TTLL7: variants seen among roughly 807,000 people sequenced by gnomAD.
TTLL7 encodes tubulin tyrosine ligase like 7.
In TTLL7, 53 loss-of-function variants were observed where a neutral mutation model predicts 120.2. The observed-to-expected ratio is 0.44, with a 90% CI of 0.35 to 0.55. The LOEUF (loss-of-function observed/expected upper bound fraction) is 0.55, where lower values mean the gene tolerates loss of function less well. TTLL7 is among the 20% of genes least tolerant of loss of function. The pLI, the probability that TTLL7 is intolerant of heterozygous loss-of-function variation, is 0.00. For synonymous variants in TTLL7, 353 were observed against 351.7 expected, an observed-to-expected ratio of 1.00 and a Z score of -0.04; for missense variants, 803 against 1,054.7, an observed-to-expected ratio of 0.76 and a Z score of 3.31.
chr1:83,986,629 G>A (rs773699582), intron 1 of TTLL7, among the ~76,000 whole-genome samples: 1 of 152,226 alleles, frequency 6.6e-6, no homozygotes, highest in Admixed American at 6.5e-5. Context: ...TGTATCACCT[G>A]AGGTCAGGAG....
intron 1 of TTLL7, among the ~76,000 whole-genome samples, chr1:83,989,098 G>A (rs1652747196): frequency 6.6e-6 from 1 of 152,148 alleles, no homozygotes; most frequent in African/African-American, 2.4e-5. Context: ...CACATACATA[G>A]TTTGCAGGCA....
In TTLL7 at chr1:83,947,154, A is replaced by G; in HGVS notation, c.476T>C (p.Val159Ala). Reference sequence around the variant, plus strand: ...ACCCATTGCACCATTAGCTGGTTTCACTATAAAAGTTTTCTGCTTCCGTTT... The same window carrying G: ...ACCCATTGCACCATTAGCTGGTTTCGCTATAAAAGTTTTCTGCTTCCGTTT... ...KKKRKQKTFI[V>A]KPANGAMGHG... Residue 159 changes from valine (V) to alanine (A), a missense_variant, in exon 6 of 21, where the codon GTG (valine) becomes GCG (alanine). Transcript: ENST00000260505. 6.2e-7 allele frequency: 1 copy of G among 1,612,906 alleles called. No individual in the cohort carries two copies. Among genetic ancestry groups the G allele is most frequent in the Non-Finnish European group, 8.5e-7 (1 of 1,179,612 alleles).
intron 1 of TTLL7, among the ~76,000 whole-genome samples, chr1:83,990,191 C>A (rs534877642): frequency 1.3e-4 from 15 of 112,370 alleles, no homozygotes; most frequent in African/African-American, 3.8e-4. Flanking sequence ...TTTTTTGAGA[C>A]GGAGTCTCGC....
At chr1:83,878,150 A>G (rs1176076534) in intron 20 of TTLL7, among the ~76,000 whole-genome samples, 1 of 151,378 alleles carries the variant, frequency 6.6e-6, no homozygotes, top group Admixed American at 6.6e-5. Context: ...TTGGTCAGAA[A>G]AAGTTCTCTG....
Position 83,910,225 on chromosome 1 carries a change from T to C in TTLL7, c.1786+940A>G, listed in dbSNP as rs138453060. 7.7e-3 allele frequency among the ~76,000 whole-genome samples: 1,172 copies of C among 152,264 alleles called. 12 individuals are homozygous for C. Among genetic ancestry groups the C allele is most frequent in the Middle Eastern group, 0.01 (3 of 294 alleles). ...AGTGTTTAAGGCCAGTTTTAAAATA[T>C]CCACATTATCAGGGAAGTTAACATA... is the stretch of plus-strand genomic sequence containing the variant. On this transcript the variant is annotated intron_variant, in intron 15 of 20. Coordinates refer to ENST00000260505, the MANE Select transcript of TTLL7 (RefSeq NM_024686.6).
intron 8 of TTLL7, among the ~76,000 whole-genome samples, chr1:83,937,589 TG>T (rs899724205): frequency 2.6e-5 from 4 of 152,154 alleles, no homozygotes; most frequent in African/African-American, 9.7e-5. Context: ...AGGTGTGTAG[TG>T]GGCTATTCCT....
chr1:83,973,970 C>T (rs564120638), intron 1 of TTLL7, among the ~76,000 whole-genome samples: 4 of 152,010 alleles, frequency 2.6e-5, no homozygotes, highest in Non-Finnish European at 5.9e-5. Flanking sequence ...AAGCATATGC[C>T]TAAGTAAAAA....
intron 1 of TTLL7, among the ~76,000 whole-genome samples, chr1:83,953,940 A>C (rs761332482): frequency 1.3e-5 from 2 of 152,128 alleles, no homozygotes; most frequent in Non-Finnish European, 2.9e-5. Flanking sequence ...CTCTAAACTG[A>C]TCTCAGCTCC....
chr1:83,917,207 G>T (rs1658268090), intron 14 of TTLL7, among the ~76,000 whole-genome samples: 1 of 151,938 alleles, frequency 6.6e-6, no homozygotes. Flanking sequence ...AATGTTGTTA[G>T]GTCAGCAAAA....
chr1:83,978,042 A>T (rs978591622), intron 1 of TTLL7, among the ~76,000 whole-genome samples: 2 of 152,030 alleles, frequency 1.3e-5, no homozygotes, highest in Non-Finnish European at 2.9e-5. Flanking sequence ...ATTTCTTTTA[A>T]TTTTCAATTT....
intron 1 of TTLL7, among the ~76,000 whole-genome samples, chr1:83,985,471 C>T (rs1652356914): frequency 6.6e-6 from 1 of 152,206 alleles, no homozygotes; most frequent in African/African-American, 2.4e-5. Flanking sequence ...TCTCCTCTGG[C>T]AGTACCCTCA....
chr1:83,887,512 C>A lies in TTLL7; in HGVS notation c.2369+2809G>T, dbSNP rs555587998. 1.1e-4 allele frequency among the ~76,000 whole-genome samples: 16 copies of A among 152,124 alleles called. No homozygotes were observed. The South Asian group carries it at 3.3e-3, about 32-fold the overall frequency. ...AGGAAGCCTAAAAAACTCATTAATG[C>A]AAAATAAAATCCGATATTAAACTCA... On this transcript the variant is annotated intron_variant, in intron 19 of 20. Coordinates refer to ENST00000260505, the MANE Select transcript of TTLL7 (RefSeq NM_024686.6).
intron 19 of TTLL7, among the ~76,000 whole-genome samples, chr1:83,885,577 A>G (rs1654904096): frequency 6.6e-6 from 1 of 152,010 alleles, no homozygotes; most frequent in South Asian, 2.1e-4. Flanking sequence ...TATATTTACC[A>G]CTACTAGCCA....
At chr1:83,927,431 G>A (rs1418076979) in intron 10 of TTLL7, among the ~76,000 whole-genome samples, 3 of 152,048 alleles carry the variant, frequency 2.0e-5, no homozygotes, top group Admixed American at 2.0e-4. Flanking sequence ...AATAAAAGAT[G>A]GGATTTGAGT....
intron 1 of TTLL7, among the ~76,000 whole-genome samples, chr1:83,958,134 C>T (rs1429301896): frequency 2.6e-5 from 4 of 152,056 alleles, no homozygotes; most frequent in Non-Finnish European, 4.4e-5. Context: ...ATCCTATGTG[C>T]CAGGCACTTT....
At chr1:83,985,269 G>T (rs1652337605) in intron 1 of TTLL7, among the ~76,000 whole-genome samples, 1 of 152,186 alleles carries the variant, frequency 6.6e-6, no homozygotes, top group Non-Finnish European at 1.5e-5. Flanking sequence ...AGAGTCCAAA[G>T]GCCAAAGAAC....
chr1:83,891,113 A>C (rs1025043305), intron 18 of TTLL7, among the ~76,000 whole-genome samples: 1 of 152,102 alleles, frequency 6.6e-6, no homozygotes, highest in Non-Finnish European at 1.5e-5. Flanking sequence ...ATAAAAGATT[A>C]ATAGATTTTG....
In TTLL7 at chr1:83,961,342, G is replaced by C. The variant is rs1026281507; in HGVS notation, c.-176-8955C>G. On this transcript the variant is annotated intron_variant, in intron 1 of 20. Coordinates refer to ENST00000260505, the MANE Select transcript of TTLL7 (RefSeq NM_024686.6). ...TTTAATCCCATAAAAATTAAGCCAT[G>C]GTCCAAGAATTATGCAAAGTTGGGA... Among the ~76,000 whole-genome samples the C allele has an allele frequency of 5.3e-5, 8 of 152,084 alleles. No individual in the cohort carries two copies. The East Asian group carries it at 1.4e-3, about 26-fold the overall frequency.
At chr1:83,965,525 T>C (rs1650377198) in intron 1 of TTLL7, among the ~76,000 whole-genome samples, 1 of 152,126 alleles carries the variant, frequency 6.6e-6, no homozygotes, top group Admixed American at 6.6e-5. Context: ...GGTAGTATCC[T>C]TACAGCAGTG....
Sources: gnomAD v4.1 joint callset for allele counts (sites outside exome capture counted in the v4.1 genomes callset) on GRCh38, gnomAD v4.1.1 for gene constraint, MANE v1.5 for transcripts, NCBI Gene and HGNC (gene_info 2026-07-23, HGNC 2026-07-21) for gene names.